The following PDILT variants were observed in gnomAD, a reference collection of about 807,000 sequenced individuals.
The protein encoded by PDILT is protein disulfide isomerase like, testis expressed.
A neutral mutation model predicts 53.7 loss-of-function variants in PDILT; 43 were observed. The observed-to-expected ratio is 0.80, with a 90% confidence interval of 0.63 to 1.03. PDILT has a LOEUF of 1.03. Ranked by LOEUF, PDILT falls within the 50% of genes least tolerant of loss-of-function variation. The pLI is 0.00. For synonymous variants in PDILT, 282 were observed against 274.2 expected, an observed-to-expected ratio of 1.03 and a Z score of -0.28; for missense variants, 727 against 712.3, an observed-to-expected ratio of 1.02 and a Z score of -0.24.
rs1966087409 is a variant in PDILT at position 20,360,671 on chromosome 16, G to A, written c.1417-14C>T. ...ATACAGGACAGCCTAGGATGAAAAT[G>A]GAACAGGGTCAGGATGGGATCCTCT... On this transcript the variant is annotated splice_polypyrimidine_tract_variant and intron_variant, in intron 10 of 11. Transcript: ENST00000302451. The A allele has an allele frequency of 6.3e-7, 1 of 1,587,990 alleles. No individual in the cohort carries two copies. Among genetic ancestry groups the A allele is most frequent in the Non-Finnish European group, 8.6e-7 (1 of 1,156,382 alleles).
intron 3 of PDILT, among the ~76,000 whole-genome samples, chr16:20,379,479 T>G (rs1966431109): frequency 1.3e-5 from 2 of 152,046 alleles, no homozygotes; most frequent in Admixed American, 1.3e-4. Context: ...ACCTGGCTAA[T>G]TTTTAAGCAA....
chr16:20,367,083 CTTTCTTTCTTTCT>C (rs1966221689), intron 8 of PDILT, among the ~76,000 whole-genome samples: 1 of 115,646 alleles, frequency 8.6e-6, no homozygotes, highest in Non-Finnish European at 1.8e-5. Flanking sequence ...TTCTTTCTTT[CTTTCTTTCTTTCT>C]TTCTTTCTTC....
At chr16:20,383,757 T>C (rs1359329364) in intron 3 of PDILT, among the ~76,000 whole-genome samples, 3 of 152,218 alleles carry the variant, frequency 2.0e-5, no homozygotes, top group Non-Finnish European at 2.9e-5. Context: ...AACATTCTAC[T>C]GGCATGGCTG....
chr16:20,402,838 C>G (rs959752345), intron 1 of PDILT, among the ~76,000 whole-genome samples: 2 of 152,170 alleles, frequency 1.3e-5, no homozygotes, highest in Non-Finnish European at 2.9e-5. Flanking sequence ...GGACTGTGCT[C>G]TCAGCCATCC....
At position 20,396,841 on chromosome 16, in the gene PDILT, C is replaced by T. The variant is rs74855686; in HGVS notation, c.202+2258G>A. On this transcript the variant is annotated intron_variant, in intron 2 of 11. Transcript: ENST00000302451. ...CTCATAGAGCCCACCCATTGCCTGG[C>T]ATTGAGCTGCATAAGTGTGGGGTGA... 7.7e-3 allele frequency among the ~76,000 whole-genome samples: 1,170 copies of T among 152,298 alleles called. 10 individuals are homozygous for T. Among genetic ancestry groups the T allele is most frequent in the African/African-American group, 0.027 (1,104 of 41,576 alleles).
chr16:20,389,863 C>G (rs894526679), intron 2 of PDILT, among the ~76,000 whole-genome samples: 1 of 151,982 alleles, frequency 6.6e-6, no homozygotes. Flanking sequence ...TTCTTTAGAC[C>G]AGTGGTTCTC....
intron 3 of PDILT, among the ~76,000 whole-genome samples, chr16:20,382,090 G>T (rs1280013477): frequency 6.6e-6 from 1 of 151,984 alleles, no homozygotes; most frequent in Non-Finnish European, 1.5e-5. Flanking sequence ...GTAGAGACAG[G>T]GTCTTGTTAT....
rs571901633 is a variant in PDILT at position 20,385,535 on chromosome 16, G to T, written c.203-684C>A. Among the ~76,000 whole-genome samples, 6 of 152,298 alleles carry T rather than the reference G, an allele frequency of 3.9e-5. No homozygotes were observed. In the South Asian group the frequency reaches 1.2e-3, roughly 32 times the overall value. On this transcript the variant is annotated intron_variant, in intron 2 of 11. Transcript: ENST00000302451. ...GTGGTCAAAGCAGGACCCAAGCAAT[G>T]ATTACACAAAGGCATGCAGAGTGGT...
In PDILT at chr16:20,359,384, C is replaced by T. The variant is rs755098526; in HGVS notation, c.1690G>A (p.Val564Met). ...GGAGGTCCCTTTGGCTTAGCCACCA[C>T]CACCACCACCTCCTCAGATGTTTTC... ...KKKTSEEVVV[V>M]VAKPKGPPVQ... Residue 564 changes from valine to methionine, a missense_variant, in exon 12 of 12, where the codon GTG (valine) becomes ATG (methionine). Physicochemically the swap from Val to Met is conservative, Grantham distance 21. Coordinates refer to ENST00000302451, the MANE Select transcript of PDILT (RefSeq NM_174924.2). The T allele has an allele frequency of 2.5e-6, 4 of 1,614,196 alleles. No individual in the cohort carries two copies. Among genetic ancestry groups the T allele is most frequent in the Middle Eastern group, 1.6e-4 (1 of 6,062 alleles).
At chr16:20,368,884 C>A (rs1966259625) in intron 8 of PDILT, among the ~76,000 whole-genome samples, 1 of 152,138 alleles carries the variant, frequency 6.6e-6, no homozygotes, top group African/African-American at 2.4e-5. Flanking sequence ...GCACCTGGCC[C>A]ATTCCAGAAT....
At chr16:20,372,567 T>G (rs1287353814) in intron 7 of PDILT, among the ~76,000 whole-genome samples, 11 of 152,128 alleles carry the variant, frequency 7.2e-5, no homozygotes, top group Admixed American at 7.2e-4. Flanking sequence ...AGTGAAGAAG[T>G]GTAGATTTGG....
chr16:20,386,361 GT>G (rs1334384641), intron 2 of PDILT, among the ~76,000 whole-genome samples: 1 of 152,154 alleles, frequency 6.6e-6, no homozygotes, highest in Non-Finnish European at 1.5e-5. Context: ...AGGGCAGGGG[GT>G]CATTGATTGC....
intron 3 of PDILT, among the ~76,000 whole-genome samples, chr16:20,378,010 C>G (rs928954425): frequency 6.6e-6 from 1 of 151,694 alleles, no homozygotes; most frequent in African/African-American, 2.4e-5. Context: ...AACTAGGAGG[C>G]ATTAAGGAGA....
chr16:20,360,359 G>A (rs1966080855), intron 11 of PDILT, among the ~76,000 whole-genome samples: 1 of 152,072 alleles, frequency 6.6e-6, no homozygotes, highest in Non-Finnish European at 1.5e-5. Context: ...CTTTCTAGAT[G>A]TTTCTAAAGT....
At chr16:20,379,103 T>A (rs1337154172) in intron 3 of PDILT, among the ~76,000 whole-genome samples, 1 of 152,098 alleles carries the variant, frequency 6.6e-6, no homozygotes, top group African/African-American at 2.4e-5. Context: ...AGCCTCGATC[T>A]CCCAGGCTCA....
intron 10 of PDILT, 72 bp downstream of exon 10, chr16:20,362,332 G>T: frequency 6.6e-7 from 1 of 1,515,570 alleles, no homozygotes; most frequent in South Asian, 1.2e-5. Context: ...GCAGCTGGTG[G>T]TAGGGAGAAA....
At chr16:20,378,183 TTATAA>T (rs1193868851) in intron 3 of PDILT, among the ~76,000 whole-genome samples, 1 of 152,198 alleles carries the variant, frequency 6.6e-6, no homozygotes, top group Non-Finnish European at 1.5e-5. Context: ...TTTCAAAAAC[TTATAA>T]TAAAGTATAT....
In PDILT at chr16:20,401,095, A is replaced by G. The variant is rs561799168; in HGVS notation, c.-7-1788T>C. Among the ~76,000 whole-genome samples, 8 of 152,322 alleles carry G rather than the reference A, an allele frequency of 5.3e-5. No homozygotes were observed. In the South Asian group the frequency reaches 1.7e-3, roughly 32 times the overall value. On this transcript the variant is annotated intron_variant, in intron 1 of 11. Transcript: ENST00000302451. Reference sequence around the variant, plus strand: ...AACAAAGGGCAAGTGGAGAAAAGGAAGAAGGGCAAGTGGATAACCTGGTTT... The same window carrying G: ...AACAAAGGGCAAGTGGAGAAAAGGAGGAAGGGCAAGTGGATAACCTGGTTT...
At chr16:20,362,667 C>T in intron 9 of PDILT, 85 bp from the exon 10 acceptor site, 8 of 1,327,624 alleles carry the variant, frequency 6.0e-6, no homozygotes, top group Non-Finnish European at 7.4e-6. Context: ...TCGCTGTGTT[C>T]CACTTGTGGT....
Sources: allele counts gnomAD v4.1 joint callset (sites outside exome capture counted in the v4.1 genomes callset), GRCh38; gene constraint gnomAD v4.1.1; transcripts MANE v1.5; gene names NCBI Gene and HGNC (gene_info 2026-07-23, HGNC 2026-07-21).